The following DYNC1I2 variants were observed in gnomAD, a reference collection of about 807,000 sequenced individuals.
DYNC1I2 encodes the protein dynein cytoplasmic 1 intermediate chain 2.
DYNC1I2 carries 53 observed loss-of-function variants against 88.6 expected under a neutral mutation model. That is an observed-to-expected ratio of 0.60 (90% confidence interval 0.48 to 0.75). The LOEUF is 0.75. Ranked by LOEUF, DYNC1I2 falls within the 30% of genes least tolerant of loss-of-function variation. The probability of loss-of-function intolerance (pLI) is 0.00; values close to 1 mark genes in which losing one functional copy is unlikely to be tolerated. For missense variants in DYNC1I2, 458 were observed against 766.6 expected, an observed-to-expected ratio of 0.60 and a Z score of 4.75; for synonymous variants, 198 against 254.6, an observed-to-expected ratio of 0.78 and a Z score of 2.12.
intron 3 of DYNC1I2, among the ~76,000 whole-genome samples, chr2:171,702,962 C>A (rs549222188): frequency 6.6e-6 from 1 of 152,124 alleles, no homozygotes; most frequent in Non-Finnish European, 1.5e-5. Context: ...TGGCTTTAAG[C>A]GATCCTCCTG....
At chr2:171,743,306 A>AG (rs1306831073) in intron 15 of DYNC1I2, among the ~76,000 whole-genome samples, 2 of 152,194 alleles carry the variant, frequency 1.3e-5, no homozygotes, top group African/African-American at 4.8e-5. Flanking sequence ...GAAAAGAAAG[A>AG]GGAAGGGTTG....
chr2:171,715,475 G>A, intron 7 of DYNC1I2, 32 bp downstream of exon 7: 2 of 1,341,228 alleles, frequency 1.5e-6, no homozygotes, highest in Non-Finnish European at 2.1e-6. Context: ...AATTGTCATT[G>A]AGCACCTATG....
chr2:171,706,182 C>G (rs980892118), intron 3 of DYNC1I2, among the ~76,000 whole-genome samples: 19 of 152,058 alleles, frequency 1.2e-4, no homozygotes, highest in African/African-American at 3.6e-4. Context: ...TAGGAACTTG[C>G]CTTCTTTTCA....
At chr2:171,742,606 T>C (rs1262969534) in intron 15 of DYNC1I2, among the ~76,000 whole-genome samples, 2 of 152,228 alleles carry the variant, frequency 1.3e-5, no homozygotes, top group Non-Finnish European at 2.9e-5. Context: ...TTCTTTGCTA[T>C]TGTCTACTAG....
Position 171,728,196 on chromosome 2 carries a change from C to G in DYNC1I2, c.1144-109C>G. 5 of 735,724 alleles carry G rather than the reference C, an allele frequency of 6.8e-6. No individual in the cohort carries two copies. The South Asian group carries it at 1.4e-4, about 20-fold the overall frequency. 45.6% of individuals were successfully genotyped at this position (735,724 alleles called of 1,614,324 possible). On this transcript the variant is annotated intron_variant, in intron 12 of 17. Transcript: ENST00000397119. Reference sequence around the variant, plus strand: ...AATAGCAAACTTCACATTAAGAATACCCACAAGTTATGAGACTCGATAATA... The same window carrying G: ...AATAGCAAACTTCACATTAAGAATAGCCACAAGTTATGAGACTCGATAATA...
intron 3 of DYNC1I2, among the ~76,000 whole-genome samples, chr2:171,700,412 T>C (rs912414813): frequency 1.3e-5 from 2 of 152,156 alleles, no homozygotes; most frequent in Non-Finnish European, 2.9e-5. Flanking sequence ...TCACAGAGAA[T>C]TTACCCATAA....
intron 4 of DYNC1I2, chr2:171,706,805 T>C (rs746387768): frequency 4.4e-6 from 2 of 450,806 alleles, no homozygotes; most frequent in Non-Finnish European, 7.8e-6. Context: ...AAGAAAAAAT[T>C]ATTAGACAAA....
At chr2:171,716,267 G>T (rs1010598030) in intron 7 of DYNC1I2, among the ~76,000 whole-genome samples, 18 of 151,954 alleles carry the variant, frequency 1.2e-4, no homozygotes, top group African/African-American at 3.9e-4. Context: ...AGTATTTTGG[G>T]CATTAATATT....
At chr2:171,732,870 CTT>C (rs1688719143) in intron 15 of DYNC1I2, among the ~76,000 whole-genome samples, 1 of 151,942 alleles carries the variant, frequency 6.6e-6, no homozygotes, top group African/African-American at 2.4e-5. Flanking sequence ...TTTTTTAAAA[CTT>C]TTATTTTACA....
chr2:171,732,192 C>T (rs550964741), intron 15 of DYNC1I2, among the ~76,000 whole-genome samples: 13 of 152,204 alleles, frequency 8.5e-5, no homozygotes, highest in South Asian at 2.1e-4. Flanking sequence ...GGTGAAACCC[C>T]GTCTCACTGA....
intron 15 of DYNC1I2, among the ~76,000 whole-genome samples, chr2:171,732,705 T>G (rs936392338): frequency 6.6e-6 from 1 of 152,210 alleles, no homozygotes; most frequent in Non-Finnish European, 1.5e-5. Context: ...ATTGGTGAGA[T>G]GAAGCCAACT....
chr2:171,734,671 A>T (rs534596963), intron 15 of DYNC1I2, among the ~76,000 whole-genome samples: 1 of 152,210 alleles, frequency 6.6e-6, no homozygotes, highest in Non-Finnish European at 1.5e-5. Flanking sequence ...CCTTCATTCT[A>T]ACTTTTCTGC....
At chr2:171,732,150 G>T (rs190706477) in intron 15 of DYNC1I2, among the ~76,000 whole-genome samples, 3 of 152,308 alleles carry the variant, frequency 2.0e-5, no homozygotes, top group Admixed American at 6.5e-5. Flanking sequence ...GATCACCTGA[G>T]GTCAGGAGTT....
chr2:171,699,591 A>AGTGTGTGTGTGTGTGT (rs3223500), intron 3 of DYNC1I2, among the ~76,000 whole-genome samples: 13 of 137,732 alleles, frequency 9.4e-5, no homozygotes, highest in African/African-American at 2.8e-4. Context: ...CATCATTTGG[A>AGTGTGTGTGTGTGTGT]GTGTGTGTGT....
intron 15 of DYNC1I2, among the ~76,000 whole-genome samples, chr2:171,741,130 G>C (rs1024178704): frequency 1.3e-5 from 2 of 152,076 alleles, no homozygotes; most frequent in African/African-American, 2.4e-5. Context: ...GATACTTCTT[G>C]TATCAATGTA....
intron 7 of DYNC1I2, among the ~76,000 whole-genome samples, chr2:171,723,103 G>C (rs577821041): frequency 6.6e-6 from 1 of 152,252 alleles, no homozygotes; most frequent in East Asian, 1.9e-4. Flanking sequence ...GATCTTTTCT[G>C]TTAAATATGT....
rs550346012 is a variant in DYNC1I2, at chr2:171,715,280, A to G, written c.396-48A>G. ...TTAATTCTTAATTTTTGAAAATAACATGGTTTGATGTAGTTAAAATTGTGT... is the reference window on the plus strand; with the variant it reads ...TTAATTCTTAATTTTTGAAAATAACGTGGTTTGATGTAGTTAAAATTGTGT... On this transcript the variant is annotated intron_variant, in intron 6 of 17. Transcript: ENST00000397119. 12 of 1,167,406 alleles carry G rather than the reference A, an allele frequency of 1.0e-5. No individual in the cohort carries two copies. In the East Asian group the frequency reaches 1.8e-4, roughly 18 times the overall value. 72.3% of individuals were successfully genotyped at this position (1,167,406 alleles called of 1,614,324 possible).
chr2:171,720,263 G>T (rs886668449), intron 7 of DYNC1I2, among the ~76,000 whole-genome samples: 4 of 152,086 alleles, frequency 2.6e-5, no homozygotes, highest in African/African-American at 9.7e-5. Flanking sequence ...TATCTGTGAA[G>T]GAGTTTATAA....
At chr2:171,725,580 T>G in intron 7 of DYNC1I2, 38 bp from the exon 8 acceptor site, 3 of 1,253,586 alleles carry the variant, frequency 2.4e-6, no homozygotes, top group Non-Finnish European at 3.3e-6. Context: ...ATCATTCTGT[T>G]TTTTTGTTTT....
Sources: gnomAD v4.1 joint callset for allele counts (sites outside exome capture counted in the v4.1 genomes callset) on GRCh38, gnomAD v4.1.1 for gene constraint, MANE v1.5 for transcripts, NCBI Gene and HGNC (gene_info 2026-07-23, HGNC 2026-07-21) for gene names.